ARID4A: variants seen among roughly 807,000 people sequenced by gnomAD.
ARID4A encodes the protein AT-rich interaction domain 4A, also known as AT-rich interactive domain-containing protein 4A.
A neutral mutation model predicts 148.6 loss-of-function variants in ARID4A; 39 were observed. That is an observed-to-expected ratio of 0.26 (90% CI 0.20 to 0.34). The LOEUF (loss-of-function observed/expected upper bound fraction) is 0.34, where lower values mean the gene tolerates loss of function less well. Among genes scored for constraint, ARID4A ranks in the 10% least tolerant of loss-of-function variants. The probability of loss-of-function intolerance (pLI) is 1.00; values close to 1 mark genes in which losing one functional copy is unlikely to be tolerated. For missense variants in ARID4A, 1,265 were observed against 1,449.1 expected (o/e 0.87, Z 2.06); for synonymous variants, 475 against 481.2 (o/e 0.99, Z 0.17).
chr14:58,332,786 G>A (rs1396879374), intron 11 of ARID4A, among the ~76,000 whole-genome samples: 4 of 152,040 alleles, frequency 2.6e-5, no homozygotes, highest in Admixed American at 6.6e-5. Flanking sequence ...TATGCTTTTC[G>A]TGAAGATTCA....
At chr14:58,298,826 G>C (rs1044157022) in intron 1 of ARID4A, 126 bp downstream of exon 1, 3 of 152,242 alleles carry the variant, frequency 2.0e-5, no homozygotes, top group African/African-American at 7.2e-5. Flanking sequence ...CTAGGCAAGT[G>C]GCACGGCGAG....
At chr14:58,337,532 T>A (rs1438884306) in intron 11 of ARID4A, among the ~76,000 whole-genome samples, 1 of 152,092 alleles carries the variant, frequency 6.6e-6, no homozygotes, top group African/African-American at 2.4e-5. Context: ...AGATTTGTTA[T>A]AAGGTTCTAG....
intron 7 of ARID4A, among the ~76,000 whole-genome samples, chr14:58,321,759 C>T (rs553013625): frequency 1.3e-5 from 2 of 152,000 alleles, no homozygotes; most frequent in East Asian, 3.9e-4. Flanking sequence ...CCCAACTCAG[C>T]CATATACTAG....
chr14:58,359,299 A>G lies in ARID4A; in HGVS notation c.1938+83A>G, dbSNP rs949452954. On this transcript the variant is annotated intron_variant, in intron 18 of 23. Coordinates refer to ENST00000355431, the MANE Select transcript of ARID4A (RefSeq NM_002892.4). Reference sequence around the variant, plus strand: ...GTGTGTTTTTTAAGACTTTAAGAACAGTTTTAGGTTTATACCAAGATTGAG... The same window carrying G: ...GTGTGTTTTTTAAGACTTTAAGAACGGTTTTAGGTTTATACCAAGATTGAG... 3.0e-5 allele frequency: 40 copies of G among 1,352,148 alleles called. No individual in the cohort carries two copies. The Admixed American group carries it at 1.0e-3, about 34-fold the overall frequency. 83.8% of individuals were successfully genotyped at this position (1,352,148 alleles called of 1,614,324 possible).
chr14:58,313,210 C>A (rs1274191917), intron 5 of ARID4A, among the ~76,000 whole-genome samples: 1 of 152,102 alleles, frequency 6.6e-6, no homozygotes, highest in African/African-American at 2.4e-5. Context: ...CAGATTGATA[C>A]AAGAGGGGAT....
At chr14:58,320,161 T>G (rs940667447) in intron 7 of ARID4A, among the ~76,000 whole-genome samples, 1 of 151,970 alleles carries the variant, frequency 6.6e-6, no homozygotes, top group African/African-American at 2.4e-5. Flanking sequence ...TTGGCCAGGA[T>G]GATCTCGATC....
intron 22 of ARID4A, 37 bp downstream of exon 22, chr14:58,366,267 G>C: frequency 7.0e-7 from 1 of 1,432,454 alleles, no homozygotes; most frequent in Non-Finnish European, 9.8e-7. Flanking sequence ...GATGAATACT[G>C]TAAAGTGGAA....
chr14:58,303,431 C>G (rs566929438), intron 3 of ARID4A: 1 of 437,616 alleles, frequency 2.3e-6, no homozygotes, highest in East Asian at 7.2e-5. Flanking sequence ...ATGTGGTCTT[C>G]CAGATTTTTT....
chr14:58,309,100 T>C (rs1292944806), intron 5 of ARID4A, among the ~76,000 whole-genome samples: 1 of 152,194 alleles, frequency 6.6e-6, no homozygotes, highest in African/African-American at 2.4e-5. Flanking sequence ...TCTTACCCTC[T>C]AATGGTTTAT....
intron 11 of ARID4A, among the ~76,000 whole-genome samples, chr14:58,339,297 A>G (rs1363548726): frequency 1.3e-5 from 2 of 152,114 alleles, no homozygotes; most frequent in East Asian, 3.9e-4. Flanking sequence ...AGGGATTCCC[A>G]TAGAGGTTCT....
At chr14:58,337,094 G>A (rs2033854701) in intron 11 of ARID4A, among the ~76,000 whole-genome samples, 1 of 150,558 alleles carries the variant, frequency 6.6e-6, no homozygotes, top group African/African-American at 2.4e-5. Flanking sequence ...GTTTCACCAT[G>A]TTGGCCAGGC....
At chr14:58,314,298 G>A (rs1440482719) in intron 5 of ARID4A, among the ~76,000 whole-genome samples, 1 of 152,134 alleles carries the variant, frequency 6.6e-6, no homozygotes, top group African/African-American at 2.4e-5. Context: ...GCCTACAAAT[G>A]TTATGTTCTT....
chr14:58,363,672 G>A (rs576004004), intron 19 of ARID4A, among the ~76,000 whole-genome samples: 21 of 151,978 alleles, frequency 1.4e-4, no homozygotes, highest in African/African-American at 4.8e-4. Context: ...CTCTAGCCTG[G>A]GCAACCAAGT....
intron 9 of ARID4A, among the ~76,000 whole-genome samples, chr14:58,328,568 A>T (rs772656867): frequency 1.3e-5 from 2 of 151,942 alleles, no homozygotes; most frequent in Non-Finnish European, 2.9e-5. Context: ...GATGGTATTG[A>T]TTTTTTCCTT....
At chr14:58,333,443 T>A (rs560212427) in intron 11 of ARID4A, among the ~76,000 whole-genome samples, 1 of 152,170 alleles carries the variant, frequency 6.6e-6, no homozygotes, top group African/African-American at 2.4e-5. Flanking sequence ...AAAACTTGAG[T>A]ATTAAGGGGA....
rs528919980 is a variant in ARID4A, at chr14:58,347,086, G to T, written c.1141G>T (p.Ala381Ser). The change falls in exon 14 of 24, where the codon GCT becomes TCT. Residue 381 changes from alanine (A) to serine (S), a missense_variant. Physicochemically the swap from Ala to Ser is moderately conservative, Grantham distance 99. Transcript: ENST00000355431. ...TGGCATTCCTATTTTGAATTCAGCT[G>T]CTTCCTACAATGTAAAAACTGCTTA... ...DLGIPILNSA[A>S]SYNVKTAYRK... The T allele has an allele frequency of 6.3e-7, 1 of 1,584,048 alleles. No homozygotes were observed. The highest frequency in any genetic ancestry group is 2.3e-5 in the East Asian group (1 of 43,168).
intron 5 of ARID4A, among the ~76,000 whole-genome samples, chr14:58,310,498 G>A (rs1405669523): frequency 1.3e-5 from 2 of 152,102 alleles, no homozygotes; most frequent in Non-Finnish European, 2.9e-5. Flanking sequence ...TTTGACTAGG[G>A]TGCCAGGAGC....
At chr14:58,299,766 A>C (rs759612622) in intron 1 of ARID4A, 32 bp from the exon 2 acceptor site, 30 of 1,581,120 alleles carry the variant, frequency 1.9e-5, no homozygotes, top group Non-Finnish European at 2.4e-5. Flanking sequence ...TTGACTGATT[A>C]TGTCTGTGCC....
At chr14:58,323,860 A>G (rs117967319) in intron 8 of ARID4A, among the ~76,000 whole-genome samples, 2,530 of 144,904 alleles carry the variant, frequency 0.017, 34 homozygotes, top group Non-Finnish European at 0.026. Context: ...AATATGTCCA[A>G]TGGCTTTTTA....
Sources: gnomAD v4.1 joint callset for allele counts (sites outside exome capture counted in the v4.1 genomes callset) on GRCh38, gnomAD v4.1.1 for gene constraint, MANE v1.5 for transcripts, NCBI Gene and HGNC (gene_info 2026-07-23, HGNC 2026-07-21) for gene names.